Variants in EEPD1 observed in about 807,000 individuals in gnomAD.
EEPD1 encodes endonuclease/exonuclease/phosphatase family domain containing 1.
A neutral mutation model predicts 46.3 loss-of-function variants in EEPD1; 17 were observed. The ratio of observed to expected loss-of-function variants is 0.37; its 90% CI spans 0.25 to 0.55. The LOEUF (loss-of-function observed/expected upper bound fraction) is 0.55. Among genes scored for constraint, EEPD1 ranks in the 20% least tolerant of loss-of-function variants. EEPD1 has a pLI of 0.83. For synonymous variants in EEPD1, 313 were observed against 315.6 expected, an observed-to-expected ratio of 0.99 and a Z score of 0.09; for missense variants, 673 against 745.6, an observed-to-expected ratio of 0.90 and a Z score of 1.13.
chr7:36,215,650 G>A (rs1786018912), intron 2 of EEPD1, among the ~76,000 whole-genome samples: 1 of 152,246 alleles, frequency 6.6e-6, no homozygotes, highest in African/African-American at 2.4e-5. Context: ...ATTGCTGCCT[G>A]GGATTTTTGT....
chr7:36,281,325 G>A (rs769616278), intron 4 of EEPD1, 100 bp downstream of exon 4: 31 of 1,066,110 alleles, frequency 2.9e-5, no homozygotes, highest in African/African-American at 7.9e-5. Context: ...CAATATCCCC[G>A]GTTCAATTTT....
At chr7:36,289,092 T>G (rs1256863050) in intron 6 of EEPD1, among the ~76,000 whole-genome samples, 1 of 152,256 alleles carries the variant, frequency 6.6e-6, no homozygotes, top group Non-Finnish European at 1.5e-5. Flanking sequence ...GGCTCACATT[T>G]CAAAAGATGT....
chr7:36,239,578 T>C (rs1786518657), intron 3 of EEPD1, among the ~76,000 whole-genome samples: 1 of 152,172 alleles, frequency 6.6e-6, no homozygotes, highest in South Asian at 2.1e-4. Context: ...AGGCTACTAC[T>C]GAGGATTGAG....
At chr7:36,207,323 A>G (rs1437085965) in intron 2 of EEPD1, among the ~76,000 whole-genome samples, 3 of 152,190 alleles carry the variant, frequency 2.0e-5, no homozygotes, top group Non-Finnish European at 2.9e-5. Flanking sequence ...CAAAGGAGGG[A>G]TATTTGATTA....
At position 36,193,788 on chromosome 7, in the gene EEPD1, G is replaced by A. The variant is rs564333475; in HGVS notation, c.878+38586G>A. On this transcript the variant is annotated intron_variant, in intron 2 of 7. Transcript: ENST00000242108. This position sits in a 1 kb window ranked among gnomAD's most constrained non-coding sequence, Gnocchi z 4.9. ...GTCAGCAGGTGGCCAGCGGCAGAGC[G>A]GCCACACCCATCCTGGTGCCCTCTC... 9.4e-4 allele frequency among the ~76,000 whole-genome samples: 143 copies of A among 152,280 alleles called. 2 individuals carry two copies. The South Asian group carries it at 0.023, about 25-fold the overall frequency.
At chr7:36,218,131 G>A (rs1232625681) in intron 2 of EEPD1, among the ~76,000 whole-genome samples, 1 of 152,116 alleles carries the variant, frequency 6.6e-6, no homozygotes, top group African/African-American at 2.4e-5. Flanking sequence ...ACTGCGTAAC[G>A]GTCCCTAGGG....
At chr7:36,256,260 A>G (rs1786827485) in intron 3 of EEPD1, among the ~76,000 whole-genome samples, 1 of 152,194 alleles carries the variant, frequency 6.6e-6, no homozygotes. Context: ...CAATTTTAGA[A>G]TAAGTGCAAT....
chr7:36,167,383 A>G (rs1049531886), intron 2 of EEPD1, among the ~76,000 whole-genome samples: 3 of 152,178 alleles, frequency 2.0e-5, no homozygotes, highest in African/African-American at 7.2e-5. Context: ...TTTAAATGCT[A>G]GAGAAAGCTG....
chr7:36,289,987 A>G (rs772772074), intron 6 of EEPD1, among the ~76,000 whole-genome samples: 7 of 152,206 alleles, frequency 4.6e-5, no homozygotes, highest in Non-Finnish European at 1.0e-4. Flanking sequence ...CCAACGTTCT[A>G]CTTTAAGGAT....
intron 2 of EEPD1, among the ~76,000 whole-genome samples, chr7:36,230,228 C>T (rs559841540): frequency 6.6e-6 from 1 of 152,170 alleles, no homozygotes; most frequent in Admixed American, 6.5e-5. Flanking sequence ...TACCTGGACC[C>T]GTCCTGGGTC....
At chr7:36,297,422 C>A (rs1032451847) in intron 7 of EEPD1, among the ~76,000 whole-genome samples, 1 of 152,250 alleles carries the variant, frequency 6.6e-6, no homozygotes, top group Admixed American at 6.5e-5. Context: ...TGTAACTATT[C>A]GTTAATTTTA....
intron 5 of EEPD1, 82 bp from the exon 6 acceptor site, chr7:36,287,557 G>A (rs774301402): frequency 5.8e-6 from 9 of 1,540,670 alleles, no homozygotes; most frequent in East Asian, 2.3e-5. Context: ...TGTGCACAAA[G>A]CTATTTATGA....
At chr7:36,238,466 A>C (rs991486068) in intron 2 of EEPD1, among the ~76,000 whole-genome samples, 3 of 152,166 alleles carry the variant, frequency 2.0e-5, no homozygotes, top group Non-Finnish European at 2.9e-5. Flanking sequence ...GACTACTCTA[A>C]GATATCTCAT....
chr7:36,271,720 C>CTTCAAGGGTTTTT (rs60503175), intron 3 of EEPD1, among the ~76,000 whole-genome samples: 1 of 55,332 alleles, frequency 1.8e-5, no homozygotes, highest in Admixed American at 1.9e-4. Flanking sequence ...CCTAGGTTTT[C>CTTCAAGGGTTTTT]ATGGTTTTAG....
chr7:36,259,347 A>C (rs1428144566), intron 3 of EEPD1, among the ~76,000 whole-genome samples: 1 of 152,094 alleles, frequency 6.6e-6, no homozygotes, highest in African/African-American at 2.4e-5. Flanking sequence ...ACTTAGTTCA[A>C]ATTTATACTC....
intron 2 of EEPD1, among the ~76,000 whole-genome samples, chr7:36,175,881 G>C (rs1337664734): frequency 1.3e-5 from 2 of 152,202 alleles, no homozygotes; most frequent in African/African-American, 4.8e-5. Flanking sequence ...CTGCAGCCTT[G>C]GCTGAACGGG....
At chr7:36,168,764 A>C (rs1304858575) in intron 2 of EEPD1, among the ~76,000 whole-genome samples, 1 of 151,172 alleles carries the variant, frequency 6.6e-6, no homozygotes, top group Non-Finnish European at 1.5e-5. Context: ...TCTCAAAAAA[A>C]AAAAAAGGTT....
chr7:36,213,423 C>T (rs569536858), intron 2 of EEPD1, among the ~76,000 whole-genome samples: 2 of 152,246 alleles, frequency 1.3e-5, no homozygotes, highest in South Asian at 2.1e-4. Context: ...GAAGTTCCTG[C>T]GAGGCACTGT....
chr7:36,248,934 A>G (rs1416919857), intron 3 of EEPD1, among the ~76,000 whole-genome samples: 1 of 149,192 alleles, frequency 6.7e-6, no homozygotes, highest in African/African-American at 2.5e-5. Context: ...TCCACCCAGG[A>G]CCTCGCTGCC....
Sources: gnomAD v4.1 joint callset for allele counts (sites outside exome capture counted in the v4.1 genomes callset) on GRCh38, gnomAD v4.1.1 for gene constraint, Gnocchi (gnomAD v3.1) non-coding constraint, MANE v1.5 for transcripts, NCBI Gene and HGNC (gene_info 2026-07-23, HGNC 2026-07-21) for gene names.